The following ZNF718 variants were observed in gnomAD, a reference collection of about 807,000 sequenced individuals.
The protein encoded by ZNF718 is zinc finger protein 718.
Under a neutral mutation model 2.6 loss-of-function variants are expected in ZNF718, and 3 were observed. That is an observed-to-expected ratio of 1.16 (90% CI 0.53 to 3.01). The LOEUF is 3.01. Among genes scored for constraint, ZNF718 ranks in the 30% most tolerant of loss-of-function variants. The probability of loss-of-function intolerance (pLI) is 0.03; values close to 1 mark genes in which losing one functional copy is unlikely to be tolerated. For synonymous variants in ZNF718, 135 were observed against 77.9 expected, an observed-to-expected ratio of 1.73 and a Z score of -3.86; for missense variants, 468 against 230.0, an observed-to-expected ratio of 2.03 and a Z score of -6.69.
rs139693388 is a variant in ZNF718 at position 188,669 on chromosome 4, A to G, written c.227-12412A>G. 1.1e-3 allele frequency among the ~76,000 whole-genome samples: 163 copies of G among 152,300 alleles called. 1 individual carries two copies. The highest frequency in any genetic ancestry group is 3.7e-3 in the African/African-American group (152 of 41,574). ...CAGCTGCTCTACTGAGACTCCACAC[A>G]ACTCTGTGTGTCAGGCCCAAGGCCC... On this transcript the variant is annotated intron_variant and NMD_transcript_variant, in intron 3 of 4. Transcript: ENST00000642529.
chr4:135,000 TTGGGAGGCTAAGG>T (rs1284962157), intron 3 of ZNF718, among the ~76,000 whole-genome samples: 1 of 152,002 alleles, frequency 6.6e-6, no homozygotes, highest in Non-Finnish European at 1.5e-5. Context: ...TCCCAGTACT[TTGGGAGGCTAAGG>T]TGGGTGGATC....
In ZNF718 at chr4:192,746, C is replaced by T. The variant is rs553367960; in HGVS notation, c.227-8335C>T. Among the ~76,000 whole-genome samples the T allele has an allele frequency of 2.0e-4, 30 of 152,296 alleles. No homozygotes were observed. The South Asian group carries it at 3.9e-3, about 20-fold the overall frequency. On this transcript the variant is annotated intron_variant and NMD_transcript_variant, in intron 3 of 4. Coordinates refer to the ZNF718 transcript ENST00000642529. ...CACAGTAGATCTTAGTCACGGACTGCATCTGGGGCTCCATTTGAAGAATGA... is the reference window on the plus strand; with the variant it reads ...CACAGTAGATCTTAGTCACGGACTGTATCTGGGGCTCCATTTGAAGAATGA...
intron 3 of ZNF718, chr4:149,773 A>G (rs1716232914): frequency 6.6e-6 from 1 of 152,168 alleles, no homozygotes; most frequent in South Asian, 2.1e-4. Flanking sequence ...TAAAGTTACC[A>G]TCTGTTTATT....
chr4:171,597 TG>T (rs1222307042), intron 3 of ZNF718, among the ~76,000 whole-genome samples: 1 of 152,168 alleles, frequency 6.6e-6, no homozygotes, highest in Non-Finnish European at 1.5e-5. Context: ...CTCAGACTGC[TG>T]TGCTAGCAGT....
In ZNF718 at chr4:162,156, C is replaced by T. The variant is rs1553815691; in HGVS notation, c.*34C>T. The T allele has an allele frequency of 3.0e-6, 2 of 666,344 alleles. No homozygotes were observed. Among genetic ancestry groups the T allele is most frequent in the African/African-American group, 3.6e-5 (2 of 55,674 alleles). The allele number at this position is 666,344 out of a possible 1,614,324, so 41.3% of individuals were successfully genotyped here. On this transcript the variant is annotated 3_prime_UTR_variant, in exon 4 of 4. Coordinates refer to ENST00000510175, the MANE Select transcript of ZNF718 (RefSeq NM_001039127.6). ...AGAATGTGGGAGCCTTTAAGTCTTC[C>T]TCAGTCTTTTCTAATCATAATTCAT...
At chr4:195,770 T>C (rs1553821906) in intron 3 of ZNF718, among the ~76,000 whole-genome samples, 1 of 152,164 alleles carries the variant, frequency 6.6e-6, no homozygotes, top group Non-Finnish European at 1.5e-5. Flanking sequence ...GGGCTGTCAG[T>C]GGTCTCAGTG....
At chr4:146,604 A>C (rs1295912711) in intron 3 of ZNF718, among the ~76,000 whole-genome samples, 1 of 152,094 alleles carries the variant, frequency 6.6e-6, no homozygotes, top group Non-Finnish European at 1.5e-5. Flanking sequence ...AAATTTTAAC[A>C]CATTATATCT....
Position 132,289 on chromosome 4 carries a change from A to G in ZNF718, c.226+784A>G. Among the ~76,000 whole-genome samples the G allele has an allele frequency of 1.9e-5, 2 of 103,562 alleles. 1 individual carries two copies. 67.9% of individuals were successfully genotyped at this position (103,562 alleles called of 152,430 possible). On this transcript the variant is annotated intron_variant, in intron 3 of 3. Coordinates refer to ENST00000510175, the MANE Select transcript of ZNF718 (RefSeq NM_001039127.6). ...AGAAAATAATTTCTGAAAAGGCTGC[A>G]TTTTTTCTCTTAGGGTCATCTTCTC...
At chr4:125,876 A>G (rs1366338070) in intron 1 of ZNF718, among the ~76,000 whole-genome samples, 2 of 152,224 alleles carry the variant, frequency 1.3e-5, no homozygotes, top group Non-Finnish European at 2.9e-5. Flanking sequence ...CCAAAAGCAC[A>G]CGCAGTGCCC....
Position 171,431 on chromosome 4 carries a change from G to GC in ZNF718, c.227-29644dup, listed in dbSNP as rs1181361417. On this transcript the variant is annotated intron_variant and NMD_transcript_variant, in intron 3 of 4. Coordinates refer to the ZNF718 transcript ENST00000642529. ...GCTGCCTTTTGTTTGGCTGTGCCCT[G>GC]CCCCCCAGAGGTGGAGTCTACAGAG... Among the ~76,000 whole-genome samples the GC allele has an allele frequency of 1.3e-3, 199 of 152,238 alleles. 2 individuals are homozygous for GC. Among genetic ancestry groups the GC allele is most frequent in the African/African-American group, 4.4e-3 (184 of 41,556 alleles).
chr4:137,285 G>A (rs1414881947), intron 3 of ZNF718, among the ~76,000 whole-genome samples: 1 of 152,120 alleles, frequency 6.6e-6, no homozygotes, highest in Non-Finnish European at 1.5e-5. Context: ...AGCAATGCAA[G>A]AATAAACTAA....
In ZNF718 at chr4:162,346, G is replaced by A; in HGVS notation, c.*224G>A. 1 of 408,392 alleles carries A rather than the reference G, an allele frequency of 2.4e-6. No homozygotes were observed. Among genetic ancestry groups the A allele is most frequent in the East Asian group, 3.6e-5 (1 of 27,800 alleles). The allele number at this position is 408,392 out of a possible 1,614,324, so 25.3% of individuals were successfully genotyped here. A position where few individuals can be genotyped will look rare whatever the true frequency, so the allele number is the denominator to read the frequency against. ...CATATTACTGAATATAATTCTTACT[G>A]CAGAAAACCCCTAGGAATATTAAAA... is the stretch of plus-strand genomic sequence containing the variant. On this transcript the variant is annotated 3_prime_UTR_variant, in exon 4 of 4. Transcript: ENST00000510175.
chr4:190,943 G>A (rs1460233580), intron 3 of ZNF718, among the ~76,000 whole-genome samples: 1 of 151,856 alleles, frequency 6.6e-6, no homozygotes, highest in Non-Finnish European at 1.5e-5. Flanking sequence ...GGAGGCTGAG[G>A]AAGGAGAATC....
chr4:135,756 A>ATATATATATATAT (rs1581426330), intron 3 of ZNF718, among the ~76,000 whole-genome samples: 16 of 143,658 alleles, frequency 1.1e-4, no homozygotes, highest in South Asian at 4.4e-4. Flanking sequence ...ATGATTATAT[A>ATATATATATATAT]ATCTACAGAC....
rs1716906760 is a variant in ZNF718 at position 162,022 on chromosome 4, CTG to C, written c.1339_1340del (p.Val447ArgfsTer2). The C allele has an allele frequency of 1.3e-6, 1 of 778,094 alleles. No homozygotes were observed. Among genetic ancestry groups the C allele is most frequent in the Admixed American group, 1.7e-5 (1 of 58,510 alleles). 48.2% of individuals were successfully genotyped at this position (778,094 alleles called of 1,614,324 possible). ...TTGAATAAACATAAGAAAATTCACA[CTG>C]TAGATAAACCCTACAAATGTAAAGA... On this transcript the variant is annotated frameshift_variant, in exon 4 of 4. Coordinates refer to ENST00000510175, the MANE Select transcript of ZNF718 (RefSeq NM_001039127.6). LOFTEE classifies it high-confidence loss of function.
intron 3 of ZNF718, among the ~76,000 whole-genome samples, chr4:147,754 C>A (rs1180054882): frequency 5.9e-5 from 9 of 152,112 alleles, no homozygotes; most frequent in African/African-American, 2.2e-4. Flanking sequence ...GCCCCAGCTA[C>A]TTGGGAGGCT....
chr4:192,529 C>G (rs2108816878), intron 3 of ZNF718, among the ~76,000 whole-genome samples: 1 of 152,308 alleles, frequency 6.6e-6, no homozygotes, highest in South Asian at 2.1e-4. Flanking sequence ...GGAAATCCAG[C>G]TAGTCCTGTC....
At chr4:143,123 C>CT (rs1440817059) in intron 3 of ZNF718, among the ~76,000 whole-genome samples, 6 of 152,160 alleles carry the variant, frequency 3.9e-5, no homozygotes, top group African/African-American at 1.4e-4. Flanking sequence ...ATGATGGTAA[C>CT]TGAGAGTGGC....
At chr4:196,543 C>T (rs782052251) in intron 3 of ZNF718, among the ~76,000 whole-genome samples, 7 of 152,140 alleles carry the variant, frequency 4.6e-5, no homozygotes, top group African/African-American at 1.2e-4. Context: ...TCAAGAAAGT[C>T]GTGGTCAGGA....
Sources: allele counts gnomAD v4.1 joint callset (sites outside exome capture counted in the v4.1 genomes callset), GRCh38; gene constraint gnomAD v4.1.1; transcripts MANE v1.5; gene names NCBI Gene and HGNC (gene_info 2026-07-23, HGNC 2026-07-21).